HHAT: variants seen among roughly 807,000 people sequenced by gnomAD.
HHAT encodes protein-cysteine N-palmitoyltransferase HHAT.
In HHAT, 47 loss-of-function variants were observed where a neutral mutation model predicts 70.8. That is an observed-to-expected ratio of 0.66 (90% confidence interval 0.53 to 0.85). The LOEUF (loss-of-function observed/expected upper bound fraction) is 0.85. HHAT is among the 40% of genes least tolerant of loss of function. The pLI is 0.00. For missense variants in HHAT, 609 were observed against 604.8 expected (o/e 1.01, Z -0.07); for synonymous variants, 228 against 247.6 (o/e 0.92, Z 0.74).
intron 11 of HHAT, among the ~76,000 whole-genome samples, chr1:210,669,686 G>C (rs1251481959): frequency 6.6e-6 from 1 of 152,228 alleles, no homozygotes; most frequent in Non-Finnish European, 1.5e-5. Context: ...GTTAGATCCA[G>C]ATATCAAAAG....
chr1:210,537,089 C>G (rs1404177297), intron 9 of HHAT, among the ~76,000 whole-genome samples: 1 of 151,046 alleles, frequency 6.6e-6, no homozygotes, highest in Non-Finnish European at 1.5e-5. Context: ...GCCTCTGATA[C>G]ATCCTCACCC....
At chr1:210,339,770 A>G (rs2085841874) in intron 1 of HHAT, among the ~76,000 whole-genome samples, 1 of 152,250 alleles carries the variant, frequency 6.6e-6, no homozygotes, top group Admixed American at 6.5e-5. Flanking sequence ...CCATCCCACA[A>G]AATCCTTAAA....
intron 8 of HHAT, among the ~76,000 whole-genome samples, chr1:210,467,803 A>G (rs1005896400): frequency 1.3e-5 from 2 of 152,200 alleles, no homozygotes; most frequent in African/African-American, 4.8e-5. Flanking sequence ...CCCCATTTTA[A>G]TGGAGCCATA....
intron 8 of HHAT, among the ~76,000 whole-genome samples, chr1:210,512,922 G>T (rs2094984828): frequency 6.6e-6 from 1 of 152,066 alleles, no homozygotes; most frequent in South Asian, 2.1e-4. Context: ...TAATTGCCGG[G>T]CTCCTTCCCC....
rs1378758048 is a variant in HHAT, at chr1:210,620,539, C to G, written c.1246-2987C>G. Among the ~76,000 whole-genome samples the G allele has an allele frequency of 3.3e-5, 5 of 152,164 alleles. 1 individual carries two copies. Among genetic ancestry groups the G allele is most frequent in the South Asian group, 4.1e-4 (2 of 4,832 alleles). On this transcript the variant is annotated intron_variant, in intron 10 of 11. Transcript: ENST00000261458. ...TTTCACTGTGAAAATGAACAATGCT[C>G]TGTTCATTTTGCTGCTTATTGGCAT...
At chr1:210,473,526 T>C (rs748048228) in intron 8 of HHAT, among the ~76,000 whole-genome samples, 1 of 152,148 alleles carries the variant, frequency 6.6e-6, no homozygotes, top group Admixed American at 6.5e-5. Flanking sequence ...CAGTTTAACC[T>C]GAGTCACTGA....
intron 2 of HHAT, among the ~76,000 whole-genome samples, chr1:210,362,236 C>CTT (rs72236593): frequency 1.4e-5 from 2 of 139,672 alleles, no homozygotes; most frequent in Non-Finnish European, 1.6e-5. Context: ...GTCAAAATTT[C>CTT]TTTTTTTTTT....
At position 210,473,892 on chromosome 1, in the gene HHAT, G is replaced by A. The variant is rs549703591; in HGVS notation, c.1007+9237G>A. On this transcript the variant is annotated intron_variant, in intron 8 of 11. Transcript: ENST00000261458. The stretch of plus-strand genomic sequence containing the variant: ...CTAATTCAGACATCCCTTCAGCAAA[G>A]TCGTGTTGCTTTTTGCCCCACCTCA... 3.9e-5 allele frequency among the ~76,000 whole-genome samples: 6 copies of A among 152,276 alleles called. No homozygotes were observed. The East Asian group carries it at 9.6e-4, about 24-fold the overall frequency.
At chr1:210,527,354 A>G (rs923697625) in intron 9 of HHAT, among the ~76,000 whole-genome samples, 1 of 152,122 alleles carries the variant, frequency 6.6e-6, no homozygotes, top group Non-Finnish European at 1.5e-5. Flanking sequence ...ACTCTTGACC[A>G]TGTGACCAGC....
At chr1:210,590,441 T>C (rs1290521351) in intron 10 of HHAT, 1 of 147,438 alleles carries the variant, frequency 6.8e-6, no homozygotes, top group Non-Finnish European at 1.5e-5. Context: ...GGTAGGGGGA[T>C]AGGGATGACG....
At chr1:210,362,357 G>A (rs562885048) in intron 2 of HHAT, among the ~76,000 whole-genome samples, 1 of 151,634 alleles carries the variant, frequency 6.6e-6, no homozygotes, top group African/African-American at 2.4e-5. Context: ...CAATTCTCCT[G>A]CCTCATTCTC....
At chr1:210,407,359 T>C (rs2092372183) in intron 6 of HHAT, among the ~76,000 whole-genome samples, 1 of 152,214 alleles carries the variant, frequency 6.6e-6, no homozygotes, top group South Asian at 2.1e-4. Context: ...GGCAGGTCAA[T>C]GCATAAAAAT....
At chr1:210,624,436 A>C (rs1339882454) in intron 11 of HHAT, among the ~76,000 whole-genome samples, 1 of 152,098 alleles carries the variant, frequency 6.6e-6, no homozygotes, top group Non-Finnish European at 1.5e-5. Flanking sequence ...GCAAAATCTA[A>C]CCTTGTTTTG....
At chr1:210,556,833 T>G (rs1402003724) in intron 9 of HHAT, among the ~76,000 whole-genome samples, 2 of 152,206 alleles carry the variant, frequency 1.3e-5, no homozygotes, top group African/African-American at 4.8e-5. Flanking sequence ...TGTGATTTTT[T>G]CTGGTAAAGT....
chr1:210,629,825 CTGTTTTT>C (rs1670509353), intron 11 of HHAT, among the ~76,000 whole-genome samples: 1 of 40,638 alleles, frequency 2.5e-5, no homozygotes, highest in African/African-American at 6.0e-5. Context: ...CCTCCTGTTT[CTGTTTTT>C]TTTTTGTTTT....
At chr1:210,596,727 G>A (rs182123014) in intron 10 of HHAT, among the ~76,000 whole-genome samples, 11 of 151,984 alleles carry the variant, frequency 7.2e-5, no homozygotes, top group Admixed American at 1.3e-4. Context: ...TCTCTGTTTT[G>A]TCTTGAACTT....
chr1:210,490,137 T>A (rs762583573), intron 8 of HHAT, among the ~76,000 whole-genome samples: 2 of 152,250 alleles, frequency 1.3e-5, no homozygotes, highest in African/African-American at 2.4e-5. Context: ...AAGTTTGGCA[T>A]CTGAGCTTTG....
At chr1:210,423,130 T>C (rs1010189778) in intron 7 of HHAT, among the ~76,000 whole-genome samples, 2 of 152,348 alleles carry the variant, frequency 1.3e-5, no homozygotes, top group South Asian at 2.1e-4. Flanking sequence ...TTGTAGTTTT[T>C]TGAAGGACTT....
intron 9 of HHAT, among the ~76,000 whole-genome samples, chr1:210,557,031 C>T (rs2095578994): frequency 6.6e-6 from 1 of 152,212 alleles, no homozygotes; most frequent in Non-Finnish European, 1.5e-5. Context: ...CACCCACACT[C>T]ACAGCAGGGC....
Sources: gnomAD v4.1 joint callset for allele counts (sites outside exome capture counted in the v4.1 genomes callset) on GRCh38, gnomAD v4.1.1 for gene constraint, MANE v1.5 for transcripts, NCBI Gene and HGNC (gene_info 2026-07-23, HGNC 2026-07-21) for gene names.